Variants in KCNC2 observed in about 807,000 individuals in gnomAD.
KCNC2 encodes voltage-gated potassium channel KCNC2.
KCNC2 carries 21 observed loss-of-function variants against 44.5 expected under a neutral mutation model. The ratio of observed to expected loss-of-function variants is 0.47; its 90% CI spans 0.33 to 0.68. The LOEUF (loss-of-function observed/expected upper bound fraction) is 0.68. Ranked by LOEUF, KCNC2 falls within the 30% of genes least tolerant of loss-of-function variation. The probability of loss-of-function intolerance (pLI) is 0.01; values close to 1 mark genes in which losing one functional copy is unlikely to be tolerated. For missense variants in KCNC2, 589 were observed against 826.2 expected (o/e 0.71, Z 3.52); for synonymous variants, 391 against 339.1 (o/e 1.15, Z -1.68).
At chr12:75,125,887 C>T (rs568162143) in intron 2 of KCNC2, among the ~76,000 whole-genome samples, 49 of 152,282 alleles carry the variant, frequency 3.2e-4, no homozygotes, top group African/African-American at 1.2e-3. Context: ...CTCACCTAGG[C>T]TCATCCATTG....
At chr12:75,167,711 C>T (rs1209759903) in intron 2 of KCNC2, among the ~76,000 whole-genome samples, 1 of 151,316 alleles carries the variant, frequency 6.6e-6, no homozygotes, top group African/African-American at 2.4e-5. Flanking sequence ...CTTGTGTTTT[C>T]TCAAAAGTAC....
intron 2 of KCNC2, among the ~76,000 whole-genome samples, chr12:75,065,848 A>C (rs1318615884): frequency 6.6e-6 from 1 of 152,134 alleles, no homozygotes; most frequent in Non-Finnish European, 1.5e-5. Context: ...AGTTATTATT[A>C]GTTTTCTCTA....
At chr12:75,069,419 AT>A (rs1484409395) in intron 2 of KCNC2, among the ~76,000 whole-genome samples, 2 of 152,060 alleles carry the variant, frequency 1.3e-5, no homozygotes, top group African/African-American at 4.8e-5. Flanking sequence ...TACAGGTGTG[AT>A]CCACCGTGCT....
chr12:75,128,921 A>G (rs12315199), intron 2 of KCNC2, among the ~76,000 whole-genome samples: 4 of 152,046 alleles, frequency 2.6e-5, no homozygotes, highest in African/African-American at 9.7e-5. Context: ...ATTGATATTG[A>G]TCCCTGAAAC....
At chr12:75,178,501 T>C (rs1165799376) in intron 2 of KCNC2, among the ~76,000 whole-genome samples, 3 of 152,040 alleles carry the variant, frequency 2.0e-5, no homozygotes, top group Non-Finnish European at 4.4e-5. Flanking sequence ...TTGTTTACTA[T>C]TAACAATTTT....
At position 75,207,091 on chromosome 12, in the gene KCNC2, G is replaced by A. The variant is rs574951847; in HGVS notation, c.687+206C>T. Among the ~76,000 whole-genome samples the A allele has an allele frequency of 5.0e-4, 76 of 152,310 alleles. No homozygotes were observed. The highest frequency in any genetic ancestry group is 2.7e-3 in the Admixed American group (41 of 15,304). ...ATCTGTTTGAGTTGGGAGAAGAGGAGGAGGAGAAAGATGGGACTGGGTAGG... is the reference window on the plus strand; with the variant it reads ...ATCTGTTTGAGTTGGGAGAAGAGGAAGAGGAGAAAGATGGGACTGGGTAGG... On this transcript the variant is annotated intron_variant, in intron 2 of 4. Coordinates refer to ENST00000549446, the MANE Select transcript of KCNC2 (RefSeq NM_139137.4). This position sits in a 1 kb window ranked among gnomAD's most constrained non-coding sequence, Gnocchi z 4.1.
chr12:75,200,829 G>A (rs2031184604), intron 2 of KCNC2, among the ~76,000 whole-genome samples: 2 of 151,686 alleles, frequency 1.3e-5, no homozygotes, highest in Non-Finnish European at 3.0e-5. Flanking sequence ...AATGGGTTAT[G>A]GAAGAGATTA....
At chr12:75,164,277 C>G (rs1334015582) in intron 2 of KCNC2, among the ~76,000 whole-genome samples, 4 of 151,740 alleles carry the variant, frequency 2.6e-5, no homozygotes, top group East Asian at 2.0e-4. Context: ...GTTCACTCTG[C>G]CAGCCTAACA....
At chr12:75,115,533 G>A (rs1347718346) in intron 2 of KCNC2, among the ~76,000 whole-genome samples, 5 of 151,986 alleles carry the variant, frequency 3.3e-5, no homozygotes, top group Admixed American at 1.3e-4. Context: ...CCCATGTCTC[G>A]TTACCAAGTT....
At chr12:75,108,160 G>T (rs898229462) in intron 2 of KCNC2, among the ~76,000 whole-genome samples, 2 of 152,082 alleles carry the variant, frequency 1.3e-5, no homozygotes, top group African/African-American at 4.8e-5. Context: ...TTTATGAAAT[G>T]AACTCTCCAA....
chr12:75,042,351 T>A lies in KCNC2; in HGVS notation c.*754A>T. The A allele has an allele frequency of 6.2e-7, 1 of 1,612,166 alleles. No individual in the cohort carries two copies. ...CTGGCCTCGGCTTGCGTGTAACCAG[T>A]AATGACAACCTCTTTGCAGTTATCT... On this transcript the variant is annotated 3_prime_UTR_variant, in exon 5 of 5. Transcript: ENST00000549446.
At chr12:75,048,446 G>A (rs1465793142) in intron 3 of KCNC2, 129 bp from the exon 4 acceptor site, 2 of 620,332 alleles carry the variant, frequency 3.2e-6, no homozygotes, top group Admixed American at 4.2e-5. Flanking sequence ...ATCACAATAA[G>A]AAAAAGAATT....
chr12:75,076,576 A>C (rs886073015), intron 2 of KCNC2, among the ~76,000 whole-genome samples: 2 of 152,132 alleles, frequency 1.3e-5, no homozygotes, highest in Non-Finnish European at 2.9e-5. Flanking sequence ...CTGGCCTCAG[A>C]ACCTCTTTAT....
rs113816742 is a variant in KCNC2, at chr12:75,152,919, C to T, written c.687+54378G>A. On this transcript the variant is annotated intron_variant, in intron 2 of 4. Transcript: ENST00000549446. ...ACACACAACATTCGAAAATTAGAGG[C>T]GAATTATACAATGACAACATAAATT... 3.7e-3 allele frequency among the ~76,000 whole-genome samples: 564 copies of T among 151,868 alleles called. 6 individuals carry two copies. The highest frequency in any genetic ancestry group is 0.013 in the African/African-American group (548 of 41,446).
intron 2 of KCNC2, among the ~76,000 whole-genome samples, chr12:75,177,527 G>A (rs1892275179): frequency 6.6e-6 from 1 of 151,906 alleles, no homozygotes; most frequent in Non-Finnish European, 1.5e-5. Flanking sequence ...TAAAGGAGCT[G>A]TTAGACTGAT....
chr12:75,155,831 T>C (rs528379199), intron 2 of KCNC2, among the ~76,000 whole-genome samples: 49 of 151,772 alleles, frequency 3.2e-4, no homozygotes, highest in Non-Finnish European at 6.8e-4. Context: ...ATACAGTTTA[T>C]CAGTTTGTCT....
rs1879878856 is a variant in KCNC2, at chr12:75,041,325, T to C, written c.*1780A>G. 5 of 1,492,766 alleles carry C rather than the reference T, an allele frequency of 3.3e-6. No homozygotes were observed. The highest frequency in any genetic ancestry group is 4.5e-6 in the Non-Finnish European group (5 of 1,123,556). 92.5% of individuals were successfully genotyped at this position (1,492,766 alleles called of 1,614,324 possible). ...AGAATCACTGTGTCTCTAAATATCA[T>C]ATATGTATGTCTGGATAAATACATT... On this transcript the variant is annotated 3_prime_UTR_variant, in exon 5 of 5. Transcript: ENST00000549446.
intron 2 of KCNC2, among the ~76,000 whole-genome samples, chr12:75,172,926 A>T (rs1891930959): frequency 6.6e-6 from 1 of 151,864 alleles, no homozygotes. Flanking sequence ...AATTATTATA[A>T]CCAGAGAGCC....
intron 2 of KCNC2, among the ~76,000 whole-genome samples, chr12:75,079,138 A>C (rs1362115224): frequency 6.6e-6 from 1 of 152,164 alleles, no homozygotes; most frequent in Admixed American, 6.5e-5. Flanking sequence ...TATGCATCTT[A>C]GAAGAAAATT....
Sources: allele counts gnomAD v4.1 joint callset (sites outside exome capture counted in the v4.1 genomes callset), GRCh38; gene constraint gnomAD v4.1.1; non-coding constraint Gnocchi (gnomAD v3.1); transcripts MANE v1.5; gene names NCBI Gene and HGNC (gene_info 2026-07-23, HGNC 2026-07-21).